The following ABCC4 variants were observed in gnomAD, a reference collection of about 807,000 sequenced individuals.
The protein encoded by ABCC4 is ATP-binding cassette sub-family C member 4.
ABCC4 carries 102 observed loss-of-function variants against 168.5 expected under a neutral mutation model. The ratio of observed to expected loss-of-function variants is 0.61; its 90% CI spans 0.52 to 0.71. The LOEUF (loss-of-function observed/expected upper bound fraction) is 0.71. ABCC4 is among the 30% of genes least tolerant of loss of function. The pLI, the probability that ABCC4 is intolerant of heterozygous loss-of-function variation, is 0.00. For synonymous variants in ABCC4, 617 were observed against 590.7 expected (o/e 1.04, Z -0.65); for missense variants, 1,402 against 1,605.8 (o/e 0.87, Z 2.17).
In ABCC4 at chr13:95,247,074, T is replaced by C; in HGVS notation, c.207A>G (p.Leu69=). The change falls in exon 3 of 31, where the codon TTA becomes TTG. Residue 69 remains leucine (L), a synonymous_variant. Coordinates refer to ENST00000645237, the MANE Select transcript of ABCC4 (RefSeq NM_005845.5). ...GCTTCTGTGCGTCATTCTCAGCTCT[T>C]AAAACTTCTTTATCCCAGAACCTAC... ...ELQGFWDKEV[L]RAENDAQKPS... The C allele has an allele frequency of 6.2e-7, 1 of 1,613,652 alleles. No individual in the cohort carries two copies. The highest frequency in any genetic ancestry group is 1.7e-5 in the Admixed American group (1 of 59,964).
chr13:95,259,953 C>T (rs1156805030), intron 1 of ABCC4, among the ~76,000 whole-genome samples: 1 of 152,092 alleles, frequency 6.6e-6, no homozygotes, highest in East Asian at 1.9e-4. Flanking sequence ...GCTCACGAGA[C>T]TCATCTTCTG....
In ABCC4 at chr13:95,167,832, T is replaced by G. The variant is rs145518784; in HGVS notation, c.1825-1465A>C. On this transcript the variant is annotated intron_variant, in intron 14 of 30. Coordinates refer to ENST00000645237, the MANE Select transcript of ABCC4 (RefSeq NM_005845.5). ...CTGGGTCGACAGCAAGAAGCAAGAATGGACACACATTCATCCTGGGTGCCC... is the reference window on the plus strand; with the variant it reads ...CTGGGTCGACAGCAAGAAGCAAGAAGGGACACACATTCATCCTGGGTGCCC... 2.1e-3 allele frequency among the ~76,000 whole-genome samples: 318 copies of G among 152,218 alleles called. 1 individual carries two copies. The highest frequency in any genetic ancestry group is 7.1e-3 in the African/African-American group (294 of 41,538).
intron 4 of ABCC4, among the ~76,000 whole-genome samples, chr13:95,227,738 T>C (rs2039504944): frequency 1.3e-5 from 2 of 152,200 alleles, no homozygotes; most frequent in African/African-American, 2.4e-5. Flanking sequence ...AAGAAGAGTC[T>C]TGTTCTGTCA....
chr13:95,099,293 C>A (rs995447110), intron 20 of ABCC4, among the ~76,000 whole-genome samples: 2 of 152,104 alleles, frequency 1.3e-5, no homozygotes, highest in African/African-American at 4.8e-5. Context: ...AGTTCAAGAA[C>A]AGGAAAACTA....
At chr13:95,113,073 C>A (rs188527907) in intron 20 of ABCC4, among the ~76,000 whole-genome samples, 7 of 152,338 alleles carry the variant, frequency 4.6e-5, no homozygotes, top group Admixed American at 3.9e-4. Flanking sequence ...ACTATCCACA[C>A]AGATAACATC....
Position 95,289,838 on chromosome 13 carries a change from T to C in ABCC4, c.74+11403A>G, listed in dbSNP as rs1042646134. 5.3e-5 allele frequency among the ~76,000 whole-genome samples: 8 copies of C among 152,314 alleles called. No homozygotes were observed. In the South Asian group the frequency reaches 1.2e-3, roughly 24 times the overall value. The stretch of plus-strand genomic sequence containing the variant: ...TGTGCGGGGCGCGGTGGCTCACACC[T>C]GTAATCCCAGCATTTTGGGAGGCCA... On this transcript the variant is annotated intron_variant, in intron 1 of 30. Coordinates refer to ENST00000645237, the MANE Select transcript of ABCC4 (RefSeq NM_005845.5).
intron 8 of ABCC4, among the ~76,000 whole-genome samples, chr13:95,202,306 G>A (rs767472581): frequency 9.2e-5 from 14 of 152,314 alleles, no homozygotes; most frequent in South Asian, 8.3e-4. Flanking sequence ...TCCAAGTTGC[G>A]TGAGACAATT....
intron 4 of ABCC4, among the ~76,000 whole-genome samples, chr13:95,212,172 C>CAAAAA (rs61656577): frequency 0.4 from 49,357 of 122,330 alleles, 10,771 homozygotes; most frequent in Non-Finnish European, 0.5. Context: ...GAGACTGTCT[C>CAAAAA]AAAAAAAAAA....
intron 19 of ABCC4, among the ~76,000 whole-genome samples, chr13:95,145,376 G>A (rs1449875907): frequency 6.6e-6 from 1 of 151,834 alleles, no homozygotes; most frequent in Non-Finnish European, 1.5e-5. Context: ...CAACACTTTG[G>A]GAGGCTGAGG....
intron 9 of ABCC4, among the ~76,000 whole-genome samples, chr13:95,192,778 G>T (rs2038296539): frequency 6.6e-6 from 1 of 152,138 alleles, no homozygotes; most frequent in Admixed American, 6.5e-5. Context: ...AATTAGCCAG[G>T]CATGGTGGGG....
At chr13:95,135,792 C>T (rs2036126529) in intron 19 of ABCC4, among the ~76,000 whole-genome samples, 1 of 152,146 alleles carries the variant, frequency 6.6e-6, no homozygotes, top group Non-Finnish European at 1.5e-5. Flanking sequence ...CAAATATTCT[C>T]AGTTTGACTT....
At chr13:95,230,334 A>C (rs1026648105) in intron 4 of ABCC4, among the ~76,000 whole-genome samples, 3 of 151,226 alleles carry the variant, frequency 2.0e-5, no homozygotes, top group Non-Finnish European at 4.5e-5. Context: ...TTCTCAAGTT[A>C]AACAGACAAA....
At chr13:95,064,260 G>GTATATATATATA (rs753635232) in intron 25 of ABCC4, among the ~76,000 whole-genome samples, 30 of 21,458 alleles carry the variant, frequency 1.4e-3, no homozygotes, top group African/African-American at 5.5e-3. Context: ...GTGTGTGTGT[G>GTATATATATATA]TATATATATA....
intron 30 of ABCC4, among the ~76,000 whole-genome samples, chr13:95,029,229 G>T (rs2031739144): frequency 2.2e-4 from 6 of 27,394 alleles, no homozygotes; most frequent in African/African-American, 6.8e-4. Context: ...GAGAGAGAGA[G>T]AGAGAGAGAG....
intron 29 of ABCC4, among the ~76,000 whole-genome samples, chr13:95,042,831 T>C (rs2032416009): frequency 6.6e-6 from 1 of 152,156 alleles, no homozygotes; most frequent in South Asian, 2.1e-4. Flanking sequence ...TTCCAAGCAT[T>C]AGATAATAAA....
intron 1 of ABCC4, among the ~76,000 whole-genome samples, chr13:95,278,809 A>G (rs1310072221): frequency 1.6e-5 from 2 of 127,722 alleles, no homozygotes; most frequent in African/African-American, 2.6e-5. Context: ...TGTCTCGGAA[A>G]AAAAAAAAAA....
rs529735177 is a variant in ABCC4 at position 95,028,414 on chromosome 13, A to G, written c.3870+6191T>C. Among the ~76,000 whole-genome samples the G allele has an allele frequency of 2.0e-5, 3 of 152,330 alleles. No individual in the cohort carries two copies. In the South Asian group the frequency reaches 6.2e-4, roughly 32 times the overall value. ...GATAGAAAGGATATGGATGACATGC[A>G]ATGAAAATGAAACTGATGCGTAAAA... On this transcript the variant is annotated intron_variant, in intron 30 of 30. Transcript: ENST00000645237.
chr13:95,179,411 A>G (rs1404526203), intron 11 of ABCC4, among the ~76,000 whole-genome samples: 1 of 152,256 alleles, frequency 6.6e-6, no homozygotes, highest in African/African-American at 2.4e-5. Context: ...CTCTGGCTCC[A>G]TGCAAGACCC....
At chr13:95,055,237 T>C (rs2033010298) in intron 26 of ABCC4, among the ~76,000 whole-genome samples, 1 of 152,210 alleles carries the variant, frequency 6.6e-6, no homozygotes, top group Admixed American at 6.5e-5. Flanking sequence ...GATTAAAAGA[T>C]AAAAACTTGA....
Sources: allele counts gnomAD v4.1 joint callset (sites outside exome capture counted in the v4.1 genomes callset), GRCh38; gene constraint gnomAD v4.1.1; transcripts MANE v1.5; gene names NCBI Gene and HGNC (gene_info 2026-07-23, HGNC 2026-07-21).